The following EML4 variants were observed in gnomAD, a reference collection of about 807,000 sequenced individuals.
EML4 encodes EMAP like 4, also known as echinoderm microtubule-associated protein-like 4.
Under a neutral mutation model 129.0 loss-of-function variants are expected in EML4, and 72 were observed. The observed-to-expected ratio is 0.56, with a 90% confidence interval of 0.46 to 0.68. The LOEUF (loss-of-function observed/expected upper bound fraction) is 0.68, where lower values mean the gene tolerates loss of function less well. Among genes scored for constraint, EML4 ranks in the 30% least tolerant of loss-of-function variants. The pLI, the probability that EML4 is intolerant of heterozygous loss-of-function variation, is 0.00. For missense variants in EML4, 1,363 were observed against 1,190.6 expected, an observed-to-expected ratio of 1.14 and a Z score of -2.13; for synonymous variants, 532 against 405.0, an observed-to-expected ratio of 1.31 and a Z score of -3.77.
At chr2:42,267,607 A>G (rs944221668) in intron 6 of EML4, among the ~76,000 whole-genome samples, 2 of 152,202 alleles carry the variant, frequency 1.3e-5, no homozygotes, top group African/African-American at 2.4e-5. Flanking sequence ...AGAGTAGGAG[A>G]AAAGCTAGAA....
At chr2:42,261,645 G>C (rs1665743807) in intron 4 of EML4, 1 of 162,482 alleles carries the variant, frequency 6.2e-6, no homozygotes, top group Non-Finnish European at 1.3e-5. Flanking sequence ...TATAGCCATG[G>C]ATAGAAAATG....
intron 18 of EML4, among the ~76,000 whole-genome samples, chr2:42,316,503 T>C (rs1381035320): frequency 6.6e-6 from 1 of 152,228 alleles, no homozygotes; most frequent in East Asian, 1.9e-4. Flanking sequence ...TACATAGTAA[T>C]GATTGGTTTG....
chr2:42,284,516 C>T (rs1027823218), intron 8 of EML4, 118 bp from the exon 9 acceptor site: 8 of 560,914 alleles, frequency 1.4e-5, no homozygotes, highest in African/African-American at 3.9e-5. Context: ...CTGAAGAAAA[C>T]AGATAAACGT....
chr2:42,200,693 A>G (rs1054173054), intron 1 of EML4, among the ~76,000 whole-genome samples: 2 of 152,254 alleles, frequency 1.3e-5, no homozygotes, highest in African/African-American at 2.4e-5. Flanking sequence ...TCTAAATATC[A>G]TAACAATTCT....
intron 20 of EML4, 30 bp from the exon 21 acceptor site, chr2:42,326,124 T>TA: frequency 6.2e-7 from 1 of 1,610,376 alleles, no homozygotes; most frequent in Non-Finnish European, 8.5e-7. Flanking sequence ...ACAAGCACTA[T>TA]GATTATACTT....
intron 6 of EML4, among the ~76,000 whole-genome samples, chr2:42,270,260 C>CT (rs1208821623): frequency 6.6e-6 from 1 of 152,124 alleles, no homozygotes; most frequent in African/African-American, 2.4e-5. Flanking sequence ...TGTGAACTAC[C>CT]TTTTGAAGAA....
intron 1 of EML4, among the ~76,000 whole-genome samples, chr2:42,227,806 T>C (rs995026528): frequency 7.9e-5 from 12 of 152,336 alleles, no homozygotes; most frequent in African/African-American, 2.4e-4. Context: ...TTTTAACATA[T>C]CACCTTATAA....
intron 19 of EML4, among the ~76,000 whole-genome samples, chr2:42,320,510 A>G (rs893270368): frequency 2.0e-5 from 3 of 152,162 alleles, no homozygotes; most frequent in African/African-American, 7.2e-5. Flanking sequence ...TTTAGATGTG[A>G]TGATGTATGC....
chr2:42,205,922 T>C (rs1454422533), intron 1 of EML4, among the ~76,000 whole-genome samples: 4 of 152,196 alleles, frequency 2.6e-5, no homozygotes, highest in Non-Finnish European at 5.9e-5. Context: ...TTCTCTCCTC[T>C]ACCTAGCCTG....
At chr2:42,173,170 T>G (rs1670375375) in intron 1 of EML4, among the ~76,000 whole-genome samples, 1 of 152,242 alleles carries the variant, frequency 6.6e-6, no homozygotes, top group African/African-American at 2.4e-5. Flanking sequence ...ATCACATTGT[T>G]AGAACTGTGA....
At chr2:42,273,120 C>G (rs1666464670) in intron 6 of EML4, among the ~76,000 whole-genome samples, 1 of 151,992 alleles carries the variant, frequency 6.6e-6, no homozygotes, top group African/African-American at 2.4e-5. Context: ...TTAAGTGCAA[C>G]TTGGTATATT....
chr2:42,231,810 G>A (rs762767240), intron 1 of EML4, among the ~76,000 whole-genome samples: 2 of 152,050 alleles, frequency 1.3e-5, no homozygotes. Flanking sequence ...TTAGCCAGGC[G>A]TCATGGCGGG....
At chr2:42,227,279 GT>G (rs1012505782) in intron 1 of EML4, among the ~76,000 whole-genome samples, 2 of 151,496 alleles carry the variant, frequency 1.3e-5, no homozygotes, top group African/African-American at 4.9e-5. Flanking sequence ...CATACACCTG[GT>G]TTTTTTTAAT....
intron 1 of EML4, among the ~76,000 whole-genome samples, chr2:42,230,202 T>C (rs1269685693): frequency 6.6e-6 from 1 of 152,140 alleles, no homozygotes; most frequent in African/African-American, 2.4e-5. Flanking sequence ...TCAACCACTG[T>C]TTGGAGAGTT....
chr2:42,211,719 C>G (rs375648677), intron 1 of EML4, among the ~76,000 whole-genome samples: 4 of 151,754 alleles, frequency 2.6e-5, no homozygotes, highest in South Asian at 4.2e-4. Flanking sequence ...GTTACTGCAT[C>G]GTGTGTTGCC....
intron 1 of EML4, among the ~76,000 whole-genome samples, chr2:42,172,031 C>T (rs13030612): frequency 6.6e-6 from 1 of 151,944 alleles, no homozygotes; most frequent in African/African-American, 2.4e-5. Context: ...TAAAGGCAAG[C>T]ACTTCTACTC....
intron 6 of EML4, among the ~76,000 whole-genome samples, chr2:42,274,434 C>CT (rs200155989): frequency 1.8e-3 from 272 of 151,174 alleles, no homozygotes; most frequent in African/African-American, 5.6e-3. Flanking sequence ...CTTTGAAAGG[C>CT]TTTTTTTTTC....
chr2:42,268,900 C>G (rs1666218344), intron 6 of EML4, among the ~76,000 whole-genome samples: 1 of 152,054 alleles, frequency 6.6e-6, no homozygotes, highest in Non-Finnish European at 1.5e-5. Flanking sequence ...CACATAATTA[C>G]CTGGTCATGT....
At chr2:42,283,477 CT>C (rs35574725) in intron 8 of EML4, among the ~76,000 whole-genome samples, 2 of 152,028 alleles carry the variant, frequency 1.3e-5, no homozygotes, top group Non-Finnish European at 2.9e-5. Flanking sequence ...TATTTTGTTA[CT>C]TTTTAGTTAA....
Sources: gnomAD v4.1 joint callset for allele counts (sites outside exome capture counted in the v4.1 genomes callset) on GRCh38, gnomAD v4.1.1 for gene constraint, MANE v1.5 for transcripts, NCBI Gene and HGNC (gene_info 2026-07-23, HGNC 2026-07-21) for gene names.